Variants in WIPF3 observed in about 807,000 individuals in gnomAD.
The protein encoded by WIPF3 is WAS/WASL-interacting protein family member 3.
WIPF3 carries 33 observed loss-of-function variants against 38.9 expected under a neutral mutation model. The ratio of observed to expected loss-of-function variants is 0.85; its 90% CI spans 0.64 to 1.14. The LOEUF (loss-of-function observed/expected upper bound fraction) is 1.14. Among genes scored for constraint, WIPF3 ranks in the 50% most tolerant of loss-of-function variants. The pLI is 0.00. For missense variants in WIPF3, 711 were observed against 652.5 expected (o/e 1.09, Z -0.98); for synonymous variants, 324 against 269.3 (o/e 1.20, Z -1.99).
chr7:29,874,950 G>T (rs1583613662), intron 2 of WIPF3, among the ~76,000 whole-genome samples: 1 of 152,210 alleles, frequency 6.6e-6, no homozygotes, highest in East Asian at 1.9e-4. Context: ...TGGCCTTTGG[G>T]ATTCAGCTGA....
At chr7:29,854,031 C>G (rs564927932) in intron 2 of WIPF3, among the ~76,000 whole-genome samples, 1 of 152,222 alleles carries the variant, frequency 6.6e-6, no homozygotes, top group African/African-American at 2.4e-5. Context: ...CTTCACTGCA[C>G]GCTGGTAAAC....
chr7:29,884,264 T>TTGCCCCCCCCCC lies in WIPF3; in HGVS notation c.770_771insTGCCCCCCCCCC (p.Leu257_Pro258insAlaProProPro). 9.1e-6 allele frequency: 12 copies of TTGCCCCCCCCCC among 1,315,276 alleles called. No individual in the cohort carries two copies. The highest frequency in any genetic ancestry group is 1.1e-5 in the Non-Finnish European group (11 of 992,700). 81.5% of individuals were successfully genotyped at this position (1,315,276 alleles called of 1,614,324 possible). The stretch of plus-strand genomic sequence containing the variant: ...AAGCCTCAGCTGGCTCCCTTGCACC[T>TTGCCCCCCCCCC]CCCGCCCATCCCGCCCCCGCTCCCT... On this transcript the variant is annotated inframe_insertion, in exon 5 of 9. Transcript: ENST00000242140.
intron 1 of WIPF3, among the ~76,000 whole-genome samples, chr7:29,807,622 C>T (rs985108940): frequency 4.6e-5 from 7 of 152,230 alleles, no homozygotes; most frequent in African/African-American, 1.4e-4. Context: ...GTGCGCCTCC[C>T]TCTGGAAAGA....
chr7:29,891,238 CGAGG>C (rs1786014653), intron 7 of WIPF3, among the ~76,000 whole-genome samples: 1 of 115,194 alleles, frequency 8.7e-6, no homozygotes, highest in African/African-American at 3.3e-5. Flanking sequence ...GTGGAGGGGG[CGAGG>C]GCCTGCCCTG....
intron 1 of WIPF3, among the ~76,000 whole-genome samples, chr7:29,807,902 A>G (rs1242455381): frequency 6.6e-6 from 1 of 152,118 alleles, no homozygotes; most frequent in Admixed American, 6.5e-5. Flanking sequence ...GAGGACTGGG[A>G]GTGCACTTCT....
intron 2 of WIPF3, among the ~76,000 whole-genome samples, chr7:29,867,817 T>C (rs1263021297): frequency 1.3e-5 from 2 of 152,162 alleles, no homozygotes; most frequent in Non-Finnish European, 2.9e-5. Flanking sequence ...GCCACTTCTC[T>C]TCCCACACCT....
At chr7:29,861,646 G>A (rs1035559754) in intron 2 of WIPF3, among the ~76,000 whole-genome samples, 4 of 152,134 alleles carry the variant, frequency 2.6e-5, no homozygotes, top group African/African-American at 9.7e-5. Flanking sequence ...GTCTGTTTTT[G>A]TAGAGAACTT....
intron 1 of WIPF3, among the ~76,000 whole-genome samples, chr7:29,832,481 T>C (rs141941843): frequency 6.6e-6 from 1 of 152,354 alleles, no homozygotes; most frequent in African/African-American, 2.4e-5. Flanking sequence ...CCCCATGAGA[T>C]CTCTGCTCAA....
intron 2 of WIPF3, among the ~76,000 whole-genome samples, chr7:29,846,278 C>G (rs566976375): frequency 2.0e-5 from 3 of 152,204 alleles, no homozygotes; most frequent in African/African-American, 7.2e-5. Context: ...GAAAGGAACA[C>G]AGCGTACCCA....
rs2128082967 is a variant in WIPF3, at chr7:29,915,979, G to A, written c.*1463G>A. 1 of 152,544 alleles carries A rather than the reference G, an allele frequency of 6.6e-6. No individual in the cohort carries two copies. Among genetic ancestry groups the A allele is most frequent in the African/African-American group, 2.4e-5 (1 of 41,572 alleles). 9.4% of individuals were successfully genotyped at this position (152,544 alleles called of 1,614,324 possible). ...AGCCATCCAGAAAGGCAGCCGGTCA[G>A]GAGGGTGTGGGCAAACATGACTGCA... On this transcript the variant is annotated 3_prime_UTR_variant, in exon 9 of 9. Coordinates refer to ENST00000242140, the MANE Select transcript of WIPF3 (RefSeq NM_001080529.3).
At chr7:29,850,206 A>G (rs926424474) in intron 2 of WIPF3, among the ~76,000 whole-genome samples, 1 of 152,218 alleles carries the variant, frequency 6.6e-6, no homozygotes, top group African/African-American at 2.4e-5. Context: ...AACTTCCTCT[A>G]GTTTTTGTTC....
At chr7:29,867,320 G>T (rs55849963) in intron 2 of WIPF3, among the ~76,000 whole-genome samples, 5,866 of 152,276 alleles carry the variant, frequency 0.039, 207 homozygotes, top group African/African-American at 0.083. Flanking sequence ...GATGAATGGG[G>T]AGAAGCCCTT....
Position 29,844,708 on chromosome 7 carries a change from C to A in WIPF3, c.90+9894C>A, listed in dbSNP as rs141785549. Among the ~76,000 whole-genome samples the A allele has an allele frequency of 7.7e-4, 117 of 152,320 alleles. No individual in the cohort carries two copies. The highest frequency in any genetic ancestry group is 2.7e-3 in the African/African-American group (111 of 41,580). ...CATTTACTATGACCTTTGCATTGGC[C>A]TGTGGACTAGCACATAGTAATTGAG... On this transcript the variant is annotated intron_variant, in intron 2 of 8. Transcript: ENST00000242140. The surrounding 1 kb of genome is among the most constrained non-coding windows in gnomAD (Gnocchi z 4.8).
At chr7:29,894,837 C>T (rs966945396) in intron 7 of WIPF3, among the ~76,000 whole-genome samples, 2 of 152,114 alleles carry the variant, frequency 1.3e-5, no homozygotes, top group African/African-American at 4.8e-5. Flanking sequence ...GCCATCATCA[C>T]TGTCTCCACT....
rs1432315452 is a variant in WIPF3 at position 29,880,884 on chromosome 7, C to G, written c.355+1744C>G. On this transcript the variant is annotated intron_variant, in intron 4 of 8. Coordinates refer to ENST00000242140, the MANE Select transcript of WIPF3 (RefSeq NM_001080529.3). Reference sequence around the variant, plus strand: ...GCTCCCAGCACTTTCCCAACAGCCCCCTTCTCATCAGAGGAAGGGACTTGA... The same window carrying G: ...GCTCCCAGCACTTTCCCAACAGCCCGCTTCTCATCAGAGGAAGGGACTTGA... Among the ~76,000 whole-genome samples the G allele has an allele frequency of 2.0e-5, 3 of 152,116 alleles. No homozygotes were observed. In the East Asian group the frequency reaches 5.8e-4, roughly 29 times the overall value.
At chr7:29,833,575 TG>T (rs1784755213) in intron 1 of WIPF3, among the ~76,000 whole-genome samples, 1 of 152,210 alleles carries the variant, frequency 6.6e-6, no homozygotes, top group Non-Finnish European at 1.5e-5. Context: ...CAAAATTCAG[TG>T]GACTATGCTA....
chr7:29,830,205 C>T (rs1457301464), intron 1 of WIPF3, among the ~76,000 whole-genome samples: 3 of 151,888 alleles, frequency 2.0e-5, no homozygotes, highest in South Asian at 2.1e-4. Flanking sequence ...GGCAGCATCT[C>T]GGTGGCACCT....
At chr7:29,903,459 T>C (rs1307646832) in intron 7 of WIPF3, among the ~76,000 whole-genome samples, 1 of 151,920 alleles carries the variant, frequency 6.6e-6, no homozygotes, top group Admixed American at 6.5e-5. Flanking sequence ...TTCTGTTGCT[T>C]TTTAAATAGC....
At chr7:29,828,164 T>C (rs1784653659) in intron 1 of WIPF3, among the ~76,000 whole-genome samples, 1 of 152,174 alleles carries the variant, frequency 6.6e-6, no homozygotes, top group South Asian at 2.1e-4. Context: ...AAGCACACTT[T>C]CTGTGTGTGA....
Sources: allele counts gnomAD v4.1 joint callset (sites outside exome capture counted in the v4.1 genomes callset), GRCh38; gene constraint gnomAD v4.1.1; non-coding constraint Gnocchi (gnomAD v3.1); transcripts MANE v1.5; gene names NCBI Gene and HGNC (gene_info 2026-07-23, HGNC 2026-07-21).